CACNA1C: variants seen among roughly 807,000 people sequenced by gnomAD.
CACNA1C encodes calcium voltage-gated channel subunit alpha1 C.
Under a neutral mutation model 229.0 loss-of-function variants are expected in CACNA1C, and 30 were observed. The observed-to-expected ratio is 0.13, with a 90% CI of 0.10 to 0.18. The LOEUF is 0.18. CACNA1C is among the 10% of genes least tolerant of loss of function. CACNA1C has a pLI of 1.00. For synonymous variants in CACNA1C, 1,114 were observed against 1,132.5 expected (o/e 0.98, Z 0.33); for missense variants, 1,658 against 2,845.0 (o/e 0.58, Z 9.49).
In CACNA1C at chr12:2,479,794, T is replaced by C. The variant is rs564493086; in HGVS notation, c.758-6310T>C. ...CTACATCGGGATTGGGGATATCACA[T>C]GTAGAAGGGGTTTTCCCAGGCTTGA... On this transcript the variant is annotated intron_variant, in intron 5 of 46. Transcript: ENST00000399655. This position sits in a 1 kb window ranked among gnomAD's most constrained non-coding sequence, Gnocchi z 4.3. 2.0e-5 allele frequency among the ~76,000 whole-genome samples: 3 copies of C among 152,176 alleles called. No homozygotes were observed. Among genetic ancestry groups the C allele is most frequent in the Non-Finnish European group, 4.4e-5 (3 of 68,032 alleles).
At chr12:2,191,260 TTCA>T (rs1299268775) in intron 3 of CACNA1C, among the ~76,000 whole-genome samples, 2 of 152,074 alleles carry the variant, frequency 1.3e-5, no homozygotes, top group Non-Finnish European at 2.9e-5. Flanking sequence ...TGGATGTGTC[TTCA>T]GATAGAGACA....
intron 7 of CACNA1C, among the ~76,000 whole-genome samples, chr12:2,496,131 G>T (rs1394282308): frequency 6.6e-6 from 1 of 152,178 alleles, no homozygotes; most frequent in African/African-American, 2.4e-5. Context: ...AAGCTCTAAA[G>T]TCGGGGCCCC....
rs2037082539 is a variant in CACNA1C at position 1,984,538 on chromosome 12, A to T, written c.139+13337A>T. Among the ~76,000 whole-genome samples the T allele has an allele frequency of 4.6e-5, 7 of 152,176 alleles. No individual in the cohort carries two copies. The South Asian group carries it at 1.5e-3, about 32-fold the overall frequency. On this transcript the variant is annotated intron_variant, in intron 1 of 46. Coordinates refer to the CACNA1C transcript ENST00000682462. ...CCTCTCTTTTTATGTTATAGTTGTC[A>T]CATGTATCACATCCGTATACACTGA...
chr12:2,307,491 C>T (rs532186795), intron 3 of CACNA1C, among the ~76,000 whole-genome samples: 1 of 152,332 alleles, frequency 6.6e-6, no homozygotes, highest in East Asian at 1.9e-4. Context: ...GGCTGCATAG[C>T]TCTACTTCTC....
At position 2,346,492 on chromosome 12, in the gene CACNA1C, G is replaced by T. The variant is rs946202060; in HGVS notation, c.478-102484G>T. ...TTGCTGTCCAGGGCTTTGGGACAAT[G>T]GGCTTGCTATGTTTTAAATTTTGGG... On this transcript the variant is annotated intron_variant, in intron 3 of 46. Transcript: ENST00000399655. This position sits in a 1 kb window ranked among gnomAD's most constrained non-coding sequence, Gnocchi z 4.4. Among the ~76,000 whole-genome samples, 10 of 152,156 alleles carry T rather than the reference G, an allele frequency of 6.6e-5. No individual in the cohort carries two copies. The highest frequency in any genetic ancestry group is 1.3e-4 in the Non-Finnish European group (9 of 68,044).
At chr12:2,159,219 C>A (rs1455998952) in intron 3 of CACNA1C, among the ~76,000 whole-genome samples, 1 of 152,040 alleles carries the variant, frequency 6.6e-6, no homozygotes. Context: ...ATAGGCCGGG[C>A]ATGGTGGCTC....
chr12:2,681,686 G>A (rs2097152291), intron 42 of CACNA1C, among the ~76,000 whole-genome samples: 1 of 152,000 alleles, frequency 6.6e-6, no homozygotes, highest in Non-Finnish European at 1.5e-5. Flanking sequence ...GGGGCGGGTG[G>A]CAGTCTGCAG....
chr12:2,586,387 G>A lies in CACNA1C; in HGVS notation c.2530+483G>A, dbSNP rs117839316. On this transcript the variant is annotated intron_variant, in intron 18 of 46. Transcript: ENST00000399655. ...GATTTCAGGTCTCATTATAAAAGGC[G>A]CGCTTACTGACTCCATCTTTTTATG... is the stretch of plus-strand genomic sequence containing the variant. Among the ~76,000 whole-genome samples, 77 of 152,222 alleles carry A rather than the reference G, an allele frequency of 5.1e-4. No homozygotes were observed. In the East Asian group the frequency reaches 0.012, roughly 24 times the overall value.
intron 3 of CACNA1C, among the ~76,000 whole-genome samples, chr12:2,399,625 G>A (rs1436531918): frequency 1.3e-5 from 2 of 152,108 alleles, no homozygotes; most frequent in African/African-American, 2.4e-5. Flanking sequence ...TCTCTGCCAC[G>A]CTGCTCTGCT....
At chr12:2,114,679 G>T (rs890329252) in intron 1 of CACNA1C, among the ~76,000 whole-genome samples, 5 of 152,144 alleles carry the variant, frequency 3.3e-5, no homozygotes, top group African/African-American at 9.7e-5. Flanking sequence ...GAACTCAGGT[G>T]CAGAGAGTTG....
At chr12:1,991,451 G>A (rs1221223231) in intron 1 of CACNA1C, 1 of 212,460 alleles carries the variant, frequency 4.7e-6, no homozygotes, top group African/African-American at 2.3e-5. Context: ...ATACAAAGAA[G>A]CAAGTGAAAT....
chr12:2,324,257 G>A (rs1276238701), intron 3 of CACNA1C, among the ~76,000 whole-genome samples: 2 of 152,184 alleles, frequency 1.3e-5, no homozygotes, highest in South Asian at 2.1e-4. Flanking sequence ...GGCACAAAAC[G>A]TGAAACCACC....
chr12:2,080,028 A>C (rs920904900), intron 1 of CACNA1C, among the ~76,000 whole-genome samples: 3 of 152,326 alleles, frequency 2.0e-5, no homozygotes, highest in South Asian at 2.1e-4. Context: ...TGGGAGGCTG[A>C]GGCGGGCAGA....
chr12:2,448,906 C>A, intron 3 of CACNA1C, 70 bp from the exon 4 acceptor site: 2 of 1,332,454 alleles, frequency 1.5e-6, no homozygotes, highest in Non-Finnish European at 2.1e-6. Flanking sequence ...GTGAGATCTA[C>A]TGGTTCCAAA....
rs2099884049 is a variant in CACNA1C at position 2,547,622 on chromosome 12, C to G, written c.1391-2321C>G. On this transcript the variant is annotated intron_variant, in intron 9 of 46. Coordinates refer to ENST00000399655, the MANE Select transcript of CACNA1C (RefSeq NM_000719.7). Reference sequence around the variant, plus strand: ...CTTGATGGCTTGTGCCGCAGTAGTTCTGTGTGTGTGCATATATGTGTATGT... The same window carrying G: ...CTTGATGGCTTGTGCCGCAGTAGTTGTGTGTGTGTGCATATATGTGTATGT... 5.5e-6 allele frequency: 4 copies of G among 727,716 alleles called. No individual in the cohort carries two copies. In the Admixed American group the frequency reaches 5.8e-5, roughly 11 times the overall value. The allele number at this position is 727,716 out of a possible 1,614,324, so 45.1% of individuals were successfully genotyped here.
rs1027977233 is a variant in CACNA1C, at chr12:2,645,697, C to A, written c.3913-2778C>A. On this transcript the variant is annotated intron_variant, in intron 30 of 46. Transcript: ENST00000399655. ...GGCTTAGGCTGCTTCCTATTGTTACCATGTAGAAATCACTCAGGGATTGCT... is the reference window on the plus strand; with the variant it reads ...GGCTTAGGCTGCTTCCTATTGTTACAATGTAGAAATCACTCAGGGATTGCT... Among the ~76,000 whole-genome samples, 57 of 152,116 alleles carry A rather than the reference C, an allele frequency of 3.7e-4. 1 individual carries two copies. The highest frequency in any genetic ancestry group is 4.0e-4 in the Non-Finnish European group (27 of 68,024).
intron 10 of CACNA1C, among the ~76,000 whole-genome samples, chr12:2,555,994 G>A (rs1188462840): frequency 2.6e-5 from 4 of 151,976 alleles, no homozygotes; most frequent in Non-Finnish European, 5.9e-5. Context: ...TCTAACTTGC[G>A]TTCTGTCCTT....
chr12:2,028,601 A>G (rs1422982725), intron 1 of CACNA1C, among the ~76,000 whole-genome samples: 1 of 152,210 alleles, frequency 6.6e-6, no homozygotes, highest in African/African-American at 2.4e-5. Context: ...ACAAAATAAA[A>G]TGGATCCTGT....
At chr12:2,557,070 G>A (rs542191038) in intron 11 of CACNA1C, 93 bp downstream of exon 11, 1 of 989,750 alleles carries the variant, frequency 1.0e-6, no homozygotes, top group East Asian at 2.4e-5. Flanking sequence ...CCTACAAGTT[G>A]CCAGTAGTGT....
Sources: gnomAD v4.1 joint callset for allele counts (sites outside exome capture counted in the v4.1 genomes callset) on GRCh38, gnomAD v4.1.1 for gene constraint, Gnocchi (gnomAD v3.1) non-coding constraint, MANE v1.5 for transcripts, NCBI Gene and HGNC (gene_info 2026-07-23, HGNC 2026-07-21) for gene names.